The following ANO10 variants were observed in gnomAD, a reference collection of about 807,000 sequenced individuals.
ANO10 encodes anoctamin-10.
Under a neutral mutation model 74.7 loss-of-function variants are expected in ANO10, and 77 were observed. The observed-to-expected ratio is 1.03, with a 90% CI of 0.86 to 1.25. ANO10 has a LOEUF of 1.25. ANO10 is among the 50% of genes most tolerant of loss of function. The probability of loss-of-function intolerance (pLI) is 0.00; values close to 1 mark genes in which losing one functional copy is unlikely to be tolerated. For missense variants in ANO10, 721 were observed against 778.1 expected (o/e 0.93, Z 0.87); for synonymous variants, 279 against 284.9 (o/e 0.98, Z 0.21).
intron 11 of ANO10, among the ~76,000 whole-genome samples, chr3:43,465,005 C>T (rs2075553428): frequency 1.3e-5 from 2 of 152,140 alleles, no homozygotes; most frequent in Admixed American, 1.3e-4. Flanking sequence ...CTAACCAGTG[C>T]AATCAGGCAA....
intron 12 of ANO10, among the ~76,000 whole-genome samples, chr3:43,405,101 G>A (rs2092553959): frequency 3.3e-5 from 5 of 152,144 alleles, no homozygotes; most frequent in Admixed American, 3.3e-4. Flanking sequence ...AATTTTCATT[G>A]GCAAGTTGAT....
At position 43,400,820 on chromosome 3, in the gene ANO10, A is replaced by G. The variant is rs373943187; in HGVS notation, c.1914+31791T>C. Among the ~76,000 whole-genome samples the G allele has an allele frequency of 4.8e-4, 73 of 152,218 alleles. 1 individual carries two copies. The South Asian group carries it at 0.015, about 32-fold the overall frequency. On this transcript the variant is annotated intron_variant, in intron 12 of 12. Coordinates refer to ENST00000292246, the MANE Select transcript of ANO10 (RefSeq NM_018075.5). The stretch of plus-strand genomic sequence containing the variant: ...TAAAATGACCTCTTCTGACTGTGGA[A>G]TAGCATGGTTGTGTGTAAGGCTGGG...
intron 1 of ANO10, among the ~76,000 whole-genome samples, chr3:43,669,026 C>A (rs1385014595): frequency 1.3e-5 from 2 of 152,082 alleles, no homozygotes; most frequent in African/African-American, 4.8e-5. Context: ...TCCAAGTGTT[C>A]TATAGTCCTA....
chr3:43,482,856 G>A (rs746214931), intron 11 of ANO10, among the ~76,000 whole-genome samples: 16 of 152,122 alleles, frequency 1.1e-4, no homozygotes, highest in Non-Finnish European at 1.6e-4. Flanking sequence ...CAGGGTACAG[G>A]GCAGGGTACA....
intron 4 of ANO10, among the ~76,000 whole-genome samples, chr3:43,591,794 C>A (rs966250786): frequency 6.6e-6 from 1 of 152,162 alleles, no homozygotes; most frequent in Non-Finnish European, 1.5e-5. Flanking sequence ...CGAAGCAGGG[C>A]GAGGAATCAC....
At position 43,576,842 on chromosome 3, in the gene ANO10, C is replaced by T. The variant is rs187425614; in HGVS notation, c.1012G>A (p.Asp338Asn). The change falls in exon 6 of 13, where the codon GAC becomes AAC. Residue 338 changes from aspartate (D) to asparagine (N), a missense_variant. By Grantham distance (23) the Asp-to-Asn change is conservative. Coordinates refer to ENST00000292246, the MANE Select transcript of ANO10 (RefSeq NM_018075.5). ...FSLYVMMIYF[D>N]MEVWALGLHE... ...AGACCCAAGGCCCAAACCTCCATGT[C>T]GAAGTAAATCATCATGACATACAGT... 67 of 1,614,094 alleles carry T rather than the reference C, an allele frequency of 4.2e-5. No homozygotes were observed. In the East Asian group the frequency reaches 1.1e-3, roughly 27 times the overall value.
chr3:43,670,261 C>CT (rs1248192014), intron 1 of ANO10, among the ~76,000 whole-genome samples: 1 of 151,760 alleles, frequency 6.6e-6, no homozygotes, highest in East Asian at 2.0e-4. Context: ...GCTCAGGAGG[C>CT]TGAGGTGGGA....
intron 1 of ANO10, among the ~76,000 whole-genome samples, chr3:43,665,670 T>C (rs1453491402): frequency 1.3e-5 from 2 of 152,182 alleles, no homozygotes; most frequent in African/African-American, 2.4e-5. Context: ...TAAAAACATA[T>C]TGCTCCTGCT....
intron 12 of ANO10, among the ~76,000 whole-genome samples, chr3:43,373,079 G>A (rs559277253): frequency 2.0e-5 from 3 of 152,224 alleles, no homozygotes; most frequent in African/African-American, 2.4e-5. Flanking sequence ...CAGAAGCACC[G>A]GGTTTCAGGG....
intron 11 of ANO10, among the ~76,000 whole-genome samples, chr3:43,503,449 G>T (rs2077170875): frequency 6.6e-6 from 1 of 152,082 alleles, no homozygotes; most frequent in African/African-American, 2.4e-5. Context: ...AGGGGAGTAG[G>T]CCCATAGATC....
chr3:43,563,291 G>T (rs1318483098), intron 8 of ANO10, among the ~76,000 whole-genome samples: 1 of 152,038 alleles, frequency 6.6e-6, no homozygotes, highest in Non-Finnish European at 1.5e-5. Flanking sequence ...AAATAGAATT[G>T]CTATTATTAA....
intron 1 of ANO10, among the ~76,000 whole-genome samples, chr3:43,643,591 TTC>T: frequency 6.6e-6 from 1 of 151,834 alleles, no homozygotes; most frequent in Non-Finnish European, 1.5e-5. Flanking sequence ...GTTCTCACAT[TTC>T]TCTCTTTTCA....
At chr3:43,610,562 C>T (rs544113382) in intron 1 of ANO10, among the ~76,000 whole-genome samples, 6 of 152,290 alleles carry the variant, frequency 3.9e-5, no homozygotes, top group Non-Finnish European at 5.9e-5. Flanking sequence ...TGTTACACTA[C>T]GATGTCAGCA....
At chr3:43,656,175 C>T (rs1308308210) in intron 1 of ANO10, among the ~76,000 whole-genome samples, 2 of 151,594 alleles carry the variant, frequency 1.3e-5, no homozygotes, top group East Asian at 3.9e-4. Context: ...TTCACCTCCC[C>T]ACCAGAGCAG....
chr3:43,681,024 C>T (rs1021716158), intron 1 of ANO10, among the ~76,000 whole-genome samples: 18 of 152,250 alleles, frequency 1.2e-4, no homozygotes, highest in East Asian at 3.9e-4. Flanking sequence ...CATCAACTAA[C>T]GAGCAAAATA....
At chr3:43,681,225 T>C (rs2149582073) in intron 1 of ANO10, among the ~76,000 whole-genome samples, 1 of 151,848 alleles carries the variant, frequency 6.6e-6, no homozygotes, top group East Asian at 1.9e-4. Context: ...AATAAAGGGA[T>C]GGAGGAAGAT....
rs776536943 is a variant in ANO10, at chr3:43,550,372, T to C, written c.1669-524A>G. Among the ~76,000 whole-genome samples the C allele has an allele frequency of 2.6e-5, 4 of 152,310 alleles. No homozygotes were observed. In the South Asian group the frequency reaches 6.2e-4, roughly 24 times the overall value. Reference sequence around the variant, plus strand: ...TCAAATGTAGAACTTTAGAAAAATATAGATGCTAGGCCCCACTGAGACCTA... The same window carrying C: ...TCAAATGTAGAACTTTAGAAAAATACAGATGCTAGGCCCCACTGAGACCTA... On this transcript the variant is annotated intron_variant, in intron 10 of 12. Transcript: ENST00000292246.
intron 12 of ANO10, among the ~76,000 whole-genome samples, chr3:43,383,076 A>G (rs1030848056): frequency 2.0e-5 from 3 of 152,200 alleles, no homozygotes; most frequent in Non-Finnish European, 4.4e-5. Flanking sequence ...AAAAAAAGAA[A>G]ACTACAGACC....
intron 11 of ANO10, among the ~76,000 whole-genome samples, chr3:43,538,210 T>G (rs2078801305): frequency 6.6e-6 from 1 of 152,112 alleles, no homozygotes; most frequent in Admixed American, 6.5e-5. Flanking sequence ...AACACAGCAT[T>G]TTGAGTTTGG....
Sources: gnomAD v4.1 joint callset for allele counts (sites outside exome capture counted in the v4.1 genomes callset) on GRCh38, gnomAD v4.1.1 for gene constraint, MANE v1.5 for transcripts, NCBI Gene and HGNC (gene_info 2026-07-23, HGNC 2026-07-21) for gene names.